The following NAT1 variants were observed in gnomAD, a reference collection of about 807,000 sequenced individuals.
NAT1 encodes N-acetyltransferase 1, also known as arylamine N-acetyltransferase 1.
For synonymous variants in NAT1, 144 were observed against 122.6 expected (o/e 1.17, Z -1.16); for missense variants, 400 against 339.2 (o/e 1.18, Z -1.41).
rs944543056 is a variant in NAT1, at chr8:18,216,980, T to A, written c.-85-2431T>A. 3.9e-6 allele frequency: 6 copies of A among 1,550,496 alleles called. No homozygotes were observed. The African/African-American group carries it at 8.2e-5, about 21-fold the overall frequency. On this transcript the variant is annotated intron_variant, in intron 1 of 2. Coordinates refer to ENST00000307719, the MANE Select transcript of NAT1 (RefSeq NM_000662.8). Reference sequence around the variant, plus strand: ...ATAATAGCCTACCGGTCTCTGATGATCACCATGTTTCTGGGTCAGTACCCT... The same window carrying A: ...ATAATAGCCTACCGGTCTCTGATGAACACCATGTTTCTGGGTCAGTACCCT...
At chr8:18,221,982 C>T in intron 2 of NAT1, 60 bp from the exon 3 acceptor site, 1 of 1,498,168 alleles carries the variant, frequency 6.7e-7, no homozygotes, top group Non-Finnish European at 9.0e-7. Flanking sequence ...CATAATTAGC[C>T]TACTCAAATC....
chr8:18,195,120 C>T (rs534984107), intron 2 of NAT1, among the ~76,000 whole-genome samples: 3 of 152,260 alleles, frequency 2.0e-5, no homozygotes, highest in South Asian at 4.1e-4. Context: ...GACCAGGAGC[C>T]TCTGCACAGG....
chr8:18,201,948 G>C (rs1273475769), intron 2 of NAT1, among the ~76,000 whole-genome samples: 1 of 152,170 alleles, frequency 6.6e-6, no homozygotes, highest in Non-Finnish European at 1.5e-5. Flanking sequence ...AAGTGGAAAA[G>C]ACCACATATC....
At chr8:18,219,520 G>A in intron 2 of NAT1, 31 bp downstream of exon 2, 1 of 1,337,056 alleles carries the variant, frequency 7.5e-7, no homozygotes, top group Non-Finnish European at 1.0e-6. Context: ...AGCTCTCAGT[G>A]GGCTTCCTAA....
upstream of NAT1, among the ~76,000 whole-genome samples, chr8:18,205,905 C>G (rs553402528): frequency 6.6e-6 from 1 of 152,264 alleles, no homozygotes; most frequent in African/African-American, 2.4e-5. Flanking sequence ...GTTGGACTGG[C>G]CCTATTTGAT....
chr8:18,185,920 A>G (rs1563165906), intron 2 of NAT1, among the ~76,000 whole-genome samples: 1 of 151,630 alleles, frequency 6.6e-6, no homozygotes, highest in Non-Finnish European at 1.5e-5. Flanking sequence ...CTTAGTTATA[A>G]GTGTCCTCCT....
rs536401801 is a variant in NAT1, at chr8:18,180,321, G to C, written n.92+9582G>C. ...TGTCAAGGGGGATGCTATTTGACTA[G>C]GGTCTGAGGGGTTGAGAAATGGTTT... On this transcript the variant is annotated intron_variant and non_coding_transcript_variant, in intron 2 of 4. Coordinates refer to the NAT1 transcript ENST00000517441. Among the ~76,000 whole-genome samples, 127 of 152,248 alleles carry C rather than the reference G, an allele frequency of 8.3e-4. 2 individuals carry two copies. The highest frequency in any genetic ancestry group is 1.1e-3 in the Non-Finnish European group (78 of 68,010).
chr8:18,216,274 G>A lies in NAT1; in HGVS notation c.-85-3137G>A, dbSNP rs535827512. Among the ~76,000 whole-genome samples, 6 of 152,218 alleles carry A rather than the reference G, an allele frequency of 3.9e-5. No individual in the cohort carries two copies. In the South Asian group the frequency reaches 1.0e-3, roughly 26 times the overall value. On this transcript the variant is annotated intron_variant, in intron 1 of 2. Coordinates refer to ENST00000307719, the MANE Select transcript of NAT1 (RefSeq NM_000662.8). The stretch of plus-strand genomic sequence containing the variant: ...TGGTTTTAGAGTAGCTTCTAACAGC[G>A]CTGATACTTGCTGCCCATTTTCTAT...
chr8:18,197,393 T>C (rs1008520465), intron 2 of NAT1, among the ~76,000 whole-genome samples: 2 of 152,222 alleles, frequency 1.3e-5, no homozygotes, highest in Non-Finnish European at 2.9e-5. Context: ...GGTCTAATTC[T>C]GTGATCCTCA....
Position 18,176,071 on chromosome 8 carries a change from T to G in NAT1, n.92+5332T>G, listed in dbSNP as rs980951190. Among the ~76,000 whole-genome samples the G allele has an allele frequency of 3.9e-5, 6 of 152,226 alleles. No individual in the cohort carries two copies. In the South Asian group the frequency reaches 1.0e-3, roughly 26 times the overall value. ...ATCATGTTGTTTGTTTTCTTGCTCT[T>G]GAGTTGTTTGAGTTCCTTATATATT... On this transcript the variant is annotated intron_variant and non_coding_transcript_variant, in intron 2 of 4. Transcript: ENST00000517441.
At chr8:18,172,743 G>A (rs568564473) in intron 2 of NAT1, among the ~76,000 whole-genome samples, 1 of 152,116 alleles carries the variant, frequency 6.6e-6, no homozygotes, top group South Asian at 2.1e-4. Context: ...CATCTTTCAT[G>A]GTTTGTATTT....
chr8:18,212,189 G>A (rs1452214416), intron 1 of NAT1: 6 of 152,084 alleles, frequency 3.9e-5, no homozygotes, highest in African/African-American at 1.4e-4. Flanking sequence ...GCTCTCCAGG[G>A]GTACCAATCC....
chr8:18,187,779 A>G (rs1015787468), intron 2 of NAT1, among the ~76,000 whole-genome samples: 2 of 152,054 alleles, frequency 1.3e-5, no homozygotes, highest in African/African-American at 4.8e-5. Context: ...CGGGTGATGA[A>G]ATAATCTGTA....
At position 18,222,849 on chromosome 8, in the gene NAT1, A is replaced by G. The variant is rs778308629; in HGVS notation, c.802A>G (p.Lys268Glu). 23 of 1,601,506 alleles carry G rather than the reference A, an allele frequency of 1.4e-5. No homozygotes were observed. The highest frequency in any genetic ancestry group is 2.0e-5 in the Non-Finnish European group (23 of 1,176,520). Reference protein sequence around the residue: ...LSEEEIEKVLKNIFNISLQRK... With the variant: ...LSEEEIEKVLENIFNISLQRK... ...TGAGGAAGAAATAGAAAAAGTGCTGAAAAATATATTTAATATTTCCTTGCA... is the reference window on the plus strand; with the variant it reads ...TGAGGAAGAAATAGAAAAAGTGCTGGAAAATATATTTAATATTTCCTTGCA... The change falls in exon 3 of 3, where the codon AAA becomes GAA. Residue 268 changes from lysine (K) to glutamate (E), a missense_variant. Transcript: ENST00000307719.
At chr8:18,214,859 C>T (rs1245431929) in intron 1 of NAT1, among the ~76,000 whole-genome samples, 1 of 152,158 alleles carries the variant, frequency 6.6e-6, no homozygotes, top group Non-Finnish European at 1.5e-5. Context: ...CTGTGAAAGG[C>T]CCCAGTGTGT....
At chr8:18,213,025 C>T (rs774571839) in intron 1 of NAT1, among the ~76,000 whole-genome samples, 8 of 151,632 alleles carry the variant, frequency 5.3e-5, no homozygotes, top group African/African-American at 1.2e-4. Flanking sequence ...CTGCATTAGC[C>T]TCTCAAATAG....
Position 18,183,617 on chromosome 8 carries a change from T to C in NAT1, n.92+12878T>C, listed in dbSNP as rs576418231. On this transcript the variant is annotated intron_variant and non_coding_transcript_variant, in intron 2 of 4. Coordinates refer to the NAT1 transcript ENST00000517441. ...ATGGTTCATCATTTTCTGTGTTCCC[T>C]TACAGAACGGAAGATATGGGTGAGA... Among the ~76,000 whole-genome samples, 33 of 152,314 alleles carry C rather than the reference T, an allele frequency of 2.2e-4. No homozygotes were observed. The East Asian group carries it at 5.6e-3, about 26-fold the overall frequency.
At chr8:18,202,065 G>T (rs934017114) in intron 2 of NAT1, among the ~76,000 whole-genome samples, 1 of 152,128 alleles carries the variant, frequency 6.6e-6, no homozygotes, top group Admixed American at 6.5e-5. Flanking sequence ...ATTTGTAAGC[G>T]CATCTCTCTC....
chr8:18,175,246 A>G (rs1050876870), intron 2 of NAT1, among the ~76,000 whole-genome samples: 3 of 152,210 alleles, frequency 2.0e-5, no homozygotes, highest in African/African-American at 7.2e-5. Flanking sequence ...TCTTTTTAGC[A>G]ATTATGAAAT....
Sources: allele counts gnomAD v4.1 joint callset (sites outside exome capture counted in the v4.1 genomes callset), GRCh38; gene constraint gnomAD v4.1.1; transcripts MANE v1.5; gene names NCBI Gene and HGNC (gene_info 2026-07-23, HGNC 2026-07-21).